Variants in UXS1 observed in about 807,000 individuals in gnomAD.
The protein encoded by UXS1 is UDP-glucuronate decarboxylase 1.
Under a neutral mutation model 62.6 loss-of-function variants are expected in UXS1, and 33 were observed. The ratio of observed to expected loss-of-function variants is 0.53; its 90% CI spans 0.40 to 0.70. The LOEUF is 0.70. Among genes scored for constraint, UXS1 ranks in the 30% least tolerant of loss-of-function variants. The pLI, the probability that UXS1 is intolerant of heterozygous loss-of-function variation, is 0.00. For synonymous variants in UXS1, 213 were observed against 206.8 expected, an observed-to-expected ratio of 1.03 and a Z score of -0.26; for missense variants, 434 against 556.3, an observed-to-expected ratio of 0.78 and a Z score of 2.21.
chr2:106,180,925 T>TAA lies in UXS1; in HGVS notation c.94+13221_94+13222dup, dbSNP rs1684201823. Among the ~76,000 whole-genome samples, 3 of 152,358 alleles carry TAA rather than the reference T, an allele frequency of 2.0e-5. No homozygotes were observed. In the South Asian group the frequency reaches 6.2e-4, roughly 32 times the overall value. ...GCTATTTCTTTTGCCTTTTTCTACT[T>TAA]AAAGAGATGTAGGCTCCACCTAAGG... is the stretch of plus-strand genomic sequence containing the variant. On this transcript the variant is annotated intron_variant, in intron 1 of 14. Transcript: ENST00000283148.
chr2:106,126,891 T>C (rs1573462011), intron 7 of UXS1, among the ~76,000 whole-genome samples: 2 of 152,276 alleles, frequency 1.3e-5, no homozygotes, highest in Middle Eastern at 6.8e-3. Flanking sequence ...ACAGGGCCCT[T>C]CTACAGCCTC....
Position 106,094,063 on chromosome 2 carries a change from G to T in UXS1, c.1241C>A (p.Pro414His), listed in dbSNP as rs904453181. 2 of 1,613,262 alleles carry T rather than the reference G, an allele frequency of 1.2e-6. No homozygotes were observed. Among genetic ancestry groups the T allele is most frequent in the Non-Finnish European group, 1.7e-6 (2 of 1,179,728 alleles). Residue 414 changes from proline (P) to histidine (H), a missense_variant, in exon 15 of 15, where the codon CCT (proline) becomes CAT (histidine). Pro to His is a moderately conservative substitution (Grantham distance 77). Coordinates refer to ENST00000283148, the MANE Select transcript of UXS1 (RefSeq NM_001253875.2). ...AGTCCGTCCTTTCTTTATTCTGGCA[G>T]GCTTTGGTTTGGGGATGTACTGATT... ...ANNQYIPKPK[P>H]ARIKKGRTRH...
intron 6 of UXS1, among the ~76,000 whole-genome samples, chr2:106,140,305 C>A (rs1243355755): frequency 6.6e-6 from 1 of 152,200 alleles, no homozygotes; most frequent in South Asian, 2.1e-4. Flanking sequence ...CCATAGGAAG[C>A]CTCCAACAGC....
intron 6 of UXS1, among the ~76,000 whole-genome samples, chr2:106,139,552 TAGG>T (rs1680932032): frequency 6.6e-6 from 1 of 152,078 alleles, no homozygotes; most frequent in Non-Finnish European, 1.5e-5. Context: ...AAAATCACCA[TAGG>T]AGGAGAACAA....
At chr2:106,185,874 C>G (rs1684519394) in intron 1 of UXS1, among the ~76,000 whole-genome samples, 1 of 152,168 alleles carries the variant, frequency 6.6e-6, no homozygotes, top group South Asian at 2.1e-4. Context: ...CCTGGAGCCA[C>G]AGAGGAGCAT....
intron 3 of UXS1, 143 bp from the exon 4 acceptor site, chr2:106,163,853 C>T: frequency 2.1e-6 from 1 of 468,996 alleles, no homozygotes; most frequent in Non-Finnish European, 3.8e-6. Context: ...TAAGATACAC[C>T]ACTTGCATCA....
chr2:106,174,655 G>A (rs1573567506), intron 1 of UXS1, among the ~76,000 whole-genome samples: 1 of 152,220 alleles, frequency 6.6e-6, no homozygotes, highest in Non-Finnish European at 1.5e-5. Flanking sequence ...CACAGCCCTG[G>A]GGAGGGCCTA....
At chr2:106,178,623 T>G (rs1321001892) in intron 1 of UXS1, among the ~76,000 whole-genome samples, 1 of 152,122 alleles carries the variant, frequency 6.6e-6, no homozygotes, top group Non-Finnish European at 1.5e-5. Context: ...TGTGTGTGTA[T>G]ATATGTTAGA....
intron 1 of UXS1, 53 bp downstream of exon 1, chr2:106,194,095 G>A (rs1685117295): frequency 2.2e-6 from 3 of 1,376,052 alleles, no homozygotes; most frequent in African/African-American, 3.0e-5. Context: ...CCGGCCCACC[G>A]CGGCGCCGGG....
intron 10 of UXS1, among the ~76,000 whole-genome samples, chr2:106,107,771 C>T (rs1558681794): frequency 6.6e-6 from 1 of 152,216 alleles, no homozygotes; most frequent in Non-Finnish European, 1.5e-5. Flanking sequence ...CTGCGTGACT[C>T]GCCAGGGGCA....
At chr2:106,111,154 A>C (rs1678569225) in intron 10 of UXS1, among the ~76,000 whole-genome samples, 2 of 152,192 alleles carry the variant, frequency 1.3e-5, no homozygotes. Context: ...CTCCAAGGCT[A>C]CGGCAATAAA....
intron 6 of UXS1, among the ~76,000 whole-genome samples, chr2:106,130,759 C>A (rs963473743): frequency 1.3e-5 from 2 of 152,210 alleles, no homozygotes; most frequent in Non-Finnish European, 1.5e-5. Context: ...TGGAGGTTCT[C>A]AATCAATCCT....
chr2:106,189,659 C>T (rs910451924), intron 1 of UXS1, among the ~76,000 whole-genome samples: 3 of 152,096 alleles, frequency 2.0e-5, no homozygotes, highest in Non-Finnish European at 2.9e-5. Flanking sequence ...ACATGTGTGG[C>T]GAGCACTGAC....
At chr2:106,139,241 C>G (rs3806506) in intron 6 of UXS1, among the ~76,000 whole-genome samples, 4,809 of 152,212 alleles carry the variant, frequency 0.032, 105 homozygotes, top group East Asian at 0.065. Context: ...GACCCTGCCA[C>G]GACCTTTCAC....
intron 9 of UXS1, among the ~76,000 whole-genome samples, chr2:106,115,195 C>T (rs949153305): frequency 1.3e-5 from 2 of 152,192 alleles, no homozygotes; most frequent in African/African-American, 4.8e-5. Flanking sequence ...CATCTCAGAT[C>T]TGAGGCAAGG....
chr2:106,178,008 G>C (rs1433094847), intron 1 of UXS1, among the ~76,000 whole-genome samples: 1 of 152,224 alleles, frequency 6.6e-6, no homozygotes, highest in Non-Finnish European at 1.5e-5. Context: ...AAAGAACAGA[G>C]TCAAATGCCA....
intron 5 of UXS1, among the ~76,000 whole-genome samples, chr2:106,156,753 G>GA (rs951579575): frequency 6.6e-6 from 1 of 152,032 alleles, no homozygotes; most frequent in African/African-American, 2.4e-5. Flanking sequence ...ATAATAACCT[G>GA]AAAAAAAGTC....
At chr2:106,103,305 T>C (rs1043436092) in intron 11 of UXS1, among the ~76,000 whole-genome samples, 9 of 152,216 alleles carry the variant, frequency 5.9e-5, no homozygotes, top group African/African-American at 2.2e-4. Context: ...ACTGGTTTCC[T>C]TTTACCGCAC....
intron 6 of UXS1, among the ~76,000 whole-genome samples, chr2:106,137,125 T>C (rs1305527307): frequency 6.6e-6 from 1 of 152,136 alleles, no homozygotes; most frequent in Non-Finnish European, 1.5e-5. Context: ...GCAAGTTCGC[T>C]GAGAGGATCT....
Sources: allele counts gnomAD v4.1 joint callset (sites outside exome capture counted in the v4.1 genomes callset), GRCh38; gene constraint gnomAD v4.1.1; transcripts MANE v1.5; gene names NCBI Gene and HGNC (gene_info 2026-07-23, HGNC 2026-07-21).